Variants in CNTNAP2 observed in about 807,000 individuals in gnomAD.
CNTNAP2 encodes contactin associated protein 2.
Under a neutral mutation model 155.2 loss-of-function variants are expected in CNTNAP2, and 98 were observed. The observed-to-expected ratio is 0.63, with a 90% CI of 0.54 to 0.75. The LOEUF (loss-of-function observed/expected upper bound fraction) is 0.75, where lower values mean the gene tolerates loss of function less well. Among genes scored for constraint, CNTNAP2 ranks in the 30% least tolerant of loss-of-function variants. CNTNAP2 has a pLI of 0.00. For synonymous variants in CNTNAP2, 651 were observed against 631.2 expected, an observed-to-expected ratio of 1.03 and a Z score of -0.47; for missense variants, 1,727 against 1,688.1, an observed-to-expected ratio of 1.02 and a Z score of -0.40.
At position 146,778,814 on chromosome 7, in the gene CNTNAP2, C is replaced by G. The variant is rs1420271675; in HGVS notation, c.208+4433C>G. On this transcript the variant is annotated intron_variant, in intron 2 of 23. Coordinates refer to ENST00000361727, the MANE Select transcript of CNTNAP2 (RefSeq NM_014141.6). ...AACTTTCAACCTTGTACTTCATATG[C>G]CTTTTGTAGAAATCAGTCCTTTTCT... Among the ~76,000 whole-genome samples the G allele has an allele frequency of 2.0e-5, 3 of 152,196 alleles. No homozygotes were observed. In the South Asian group the frequency reaches 6.2e-4, roughly 32 times the overall value.
At chr7:146,870,213 CT>C (rs35523634) in intron 3 of CNTNAP2, among the ~76,000 whole-genome samples, 107 of 142,976 alleles carry the variant, frequency 7.5e-4, no homozygotes, top group African/African-American at 1.1e-3. Flanking sequence ...AGGTCCTGGG[CT>C]TTTTTTTTTT....
intron 12 of CNTNAP2, among the ~76,000 whole-genome samples, chr7:147,601,636 TA>T (rs370619019): frequency 5.8e-5 from 4 of 69,210 alleles, no homozygotes; most frequent in African/African-American, 1.9e-4. Flanking sequence ...CATTGACTCT[TA>T]AAAAAAAATA....
chr7:147,430,818 A>C (rs1321289523), intron 10 of CNTNAP2, among the ~76,000 whole-genome samples: 1 of 152,096 alleles, frequency 6.6e-6, no homozygotes, highest in East Asian at 1.9e-4. Flanking sequence ...TAACCGCAGC[A>C]CTTTGGGAGG....
intron 9 of CNTNAP2, among the ~76,000 whole-genome samples, chr7:147,394,880 TTCTA>T (rs975608757): frequency 2.7e-5 from 4 of 150,192 alleles, no homozygotes; most frequent in Admixed American, 6.6e-5. Flanking sequence ...TTAATTTTAG[TTCTA>T]TCTGTTATTA....
At chr7:147,923,604 C>T (rs1585030720) in intron 14 of CNTNAP2, among the ~76,000 whole-genome samples, 1 of 151,888 alleles carries the variant, frequency 6.6e-6, no homozygotes, top group Admixed American at 6.6e-5. Context: ...GCCTCAATTG[C>T]CAGGGCTCCA....
At chr7:146,994,396 T>C (rs1282357396) in intron 3 of CNTNAP2, among the ~76,000 whole-genome samples, 1 of 152,138 alleles carries the variant, frequency 6.6e-6, no homozygotes, top group Non-Finnish European at 1.5e-5. Context: ...CCTTTTCAAA[T>C]GTGTAATTTT....
intron 1 of CNTNAP2, among the ~76,000 whole-genome samples, chr7:146,410,710 C>T (rs903852658): frequency 6.6e-6 from 1 of 152,136 alleles, no homozygotes; most frequent in African/African-American, 2.4e-5. Flanking sequence ...CATGTATTCT[C>T]ATAAGATACT....
chr7:148,300,576 G>GAA (rs71188963), intron 21 of CNTNAP2, among the ~76,000 whole-genome samples: 1 of 126,574 alleles, frequency 7.9e-6, no homozygotes, highest in Admixed American at 7.8e-5. Context: ...GGCTAAGCAG[G>GAA]AAAAAAAAAA....
chr7:147,383,210 G>A (rs780274108), intron 9 of CNTNAP2, among the ~76,000 whole-genome samples: 10 of 152,000 alleles, frequency 6.6e-5, no homozygotes, highest in Middle Eastern at 3.4e-3. Flanking sequence ...CTCTGTATCC[G>A]CCTTACTCAA....
chr7:147,891,551 T>A (rs935348007), intron 13 of CNTNAP2, among the ~76,000 whole-genome samples: 1 of 152,106 alleles, frequency 6.6e-6, no homozygotes, highest in African/African-American at 2.4e-5. Flanking sequence ...AACTTCTGGC[T>A]AGACTGGTCA....
chr7:146,438,092 G>A (rs373697224), intron 1 of CNTNAP2, among the ~76,000 whole-genome samples: 3 of 151,240 alleles, frequency 2.0e-5, no homozygotes, highest in East Asian at 1.9e-4. Context: ...GTTTGCTATC[G>A]AGACGTAATC....
chr7:147,770,707 A>G (rs1353884337), intron 13 of CNTNAP2, among the ~76,000 whole-genome samples: 1 of 152,210 alleles, frequency 6.6e-6, no homozygotes, highest in Admixed American at 6.5e-5. Flanking sequence ...GAGAGATATA[A>G]AAGATCGAAA....
At chr7:147,637,778 T>A (rs1229470927) in intron 12 of CNTNAP2, among the ~76,000 whole-genome samples, 1 of 152,134 alleles carries the variant, frequency 6.6e-6, no homozygotes, top group African/African-American at 2.4e-5. Flanking sequence ...TGATTGTGTA[T>A]TTTCATCCAA....
intron 3 of CNTNAP2, among the ~76,000 whole-genome samples, chr7:146,841,590 A>G (rs1271527140): frequency 6.6e-6 from 1 of 152,036 alleles, no homozygotes; most frequent in African/African-American, 2.4e-5. Context: ...ACTAAGATCA[A>G]ATTAGCATGT....
chr7:147,346,740 T>G (rs1431164722), intron 9 of CNTNAP2, among the ~76,000 whole-genome samples: 2 of 152,202 alleles, frequency 1.3e-5, no homozygotes, highest in Admixed American at 1.3e-4. Flanking sequence ...TTCTTCTTTT[T>G]ATTTATTTAT....
chr7:147,862,189 G>A (rs1369644209), intron 13 of CNTNAP2, among the ~76,000 whole-genome samples: 3 of 151,944 alleles, frequency 2.0e-5, no homozygotes, highest in Non-Finnish European at 4.4e-5. Context: ...ATAATAGCCC[G>A]ACAAACCATG....
chr7:147,362,593 G>T (rs1796163933), intron 9 of CNTNAP2, among the ~76,000 whole-genome samples: 1 of 152,124 alleles, frequency 6.6e-6, no homozygotes, highest in Non-Finnish European at 1.5e-5. Context: ...ATTTAGAACT[G>T]CCACCTCACC....
chr7:146,751,602 C>T (rs1376450696), intron 1 of CNTNAP2, among the ~76,000 whole-genome samples: 1 of 151,936 alleles, frequency 6.6e-6, no homozygotes, highest in African/African-American at 2.4e-5. Context: ...CTCTCTAATT[C>T]CTCTTTTTTT....
chr7:146,650,627 G>A (rs1294585896), intron 1 of CNTNAP2, among the ~76,000 whole-genome samples: 2 of 152,028 alleles, frequency 1.3e-5, no homozygotes, highest in Admixed American at 1.3e-4. Context: ...CCACCACGCA[G>A]TTGTATACCT....
Sources: allele counts gnomAD v4.1 joint callset (sites outside exome capture counted in the v4.1 genomes callset), GRCh38; gene constraint gnomAD v4.1.1; transcripts MANE v1.5; gene names NCBI Gene and HGNC (gene_info 2026-07-23, HGNC 2026-07-21).